Variants in KAT2B observed in about 807,000 individuals in gnomAD.
The protein encoded by KAT2B is lysine acetyltransferase 2B.
KAT2B carries 36 observed loss-of-function variants against 105.9 expected under a neutral mutation model. The observed-to-expected ratio is 0.34, with a 90% CI of 0.26 to 0.45. KAT2B has a LOEUF of 0.45. Ranked by LOEUF, KAT2B falls within the 20% of genes least tolerant of loss-of-function variation. The pLI, the probability that KAT2B is intolerant of heterozygous loss-of-function variation, is 1.00. For synonymous variants in KAT2B, 397 were observed against 377.9 expected (o/e 1.05, Z -0.59); for missense variants, 820 against 1,021.6 (o/e 0.80, Z 2.69).
chr3:20,051,478 G>A (rs1382482235), intron 1 of KAT2B, among the ~76,000 whole-genome samples: 2 of 152,122 alleles, frequency 1.3e-5, no homozygotes, highest in Non-Finnish European at 2.9e-5. Context: ...CGTTGTAGTC[G>A]GTGAGCCATG....
intron 3 of KAT2B, among the ~76,000 whole-genome samples, chr3:20,097,766 G>A (rs1207677405): frequency 6.6e-6 from 1 of 151,934 alleles, no homozygotes; most frequent in Non-Finnish European, 1.5e-5. Flanking sequence ...TGAACTCCTA[G>A]CCTCAAGTGA....
At chr3:20,060,071 C>T (rs9874923) in intron 1 of KAT2B, among the ~76,000 whole-genome samples, 60,703 of 152,084 alleles carry the variant, frequency 0.4, 12,350 homozygotes, top group Middle Eastern at 0.47. Flanking sequence ...ACTTCTTTAT[C>T]TTTCATTGCA....
intron 8 of KAT2B, 108 bp from the exon 9 acceptor site, chr3:20,122,560 A>G (rs1575146712): frequency 1.3e-6 from 1 of 775,842 alleles, no homozygotes; most frequent in African/African-American, 1.7e-5. Context: ...TGGTAAAGAT[A>G]GAGTTGACCT....
intron 2 of KAT2B, among the ~76,000 whole-genome samples, chr3:20,076,202 C>G (rs2365368): frequency 0.47 from 71,455 of 151,938 alleles, 17,062 homozygotes; most frequent in East Asian, 0.59. Flanking sequence ...GGACAAAGAC[C>G]AAGTATATTT....
At chr3:20,056,754 A>G (rs921876870) in intron 1 of KAT2B, among the ~76,000 whole-genome samples, 8 of 152,198 alleles carry the variant, frequency 5.3e-5, no homozygotes, top group African/African-American at 1.9e-4. Context: ...GCCTTTTAAG[A>G]AGGAGGAGGC....
intron 11 of KAT2B, among the ~76,000 whole-genome samples, chr3:20,135,773 G>A (rs1028417447): frequency 6.6e-6 from 1 of 152,188 alleles, no homozygotes; most frequent in Non-Finnish European, 1.5e-5. Context: ...GTACGGATGG[G>A]CATGTGTGAG....
chr3:20,095,339 A>G lies in KAT2B; in HGVS notation c.507A>G (p.Glu169=), dbSNP rs2125195261. 1.2e-6 allele frequency: 2 copies of G among 1,601,952 alleles called. No individual in the cohort carries two copies. The highest frequency in any genetic ancestry group is 1.7e-6 in the Non-Finnish European group (2 of 1,169,014). The change falls in exon 3 of 18, where the codon GAA becomes GAG. Residue 169 remains glutamate, a synonymous_variant. Transcript: ENST00000263754. ...NRLLGIVLDV[E]YLFTCVHKEE... ...TCCTGGGAATAGTATTGGATGTGGA[A>G]TATCTCTTTACCTGTGTCCACAAGG...
intron 1 of KAT2B, among the ~76,000 whole-genome samples, chr3:20,069,437 G>C (rs981076805): frequency 1.3e-5 from 2 of 152,136 alleles, no homozygotes; most frequent in Non-Finnish European, 2.9e-5. Flanking sequence ...TCTTGTTAGA[G>C]AGGGAAGTGG....
chr3:20,111,824 A>T (rs760066743), intron 6 of KAT2B, 37 bp downstream of exon 6: 2 of 1,546,114 alleles, frequency 1.3e-6, no homozygotes, highest in South Asian at 2.3e-5. Flanking sequence ...GTTTGATCCC[A>T]GAGCTTGAGG....
rs180868616 is a variant in KAT2B at position 20,059,242 on chromosome 3, G to A, written c.304-13091G>A. On this transcript the variant is annotated intron_variant, in intron 1 of 17. Transcript: ENST00000263754. ...AGCCTGGCCAACATGGTGAAACCCC[G>A]TCTCTACTAAAAATACAAAAATTAG... Among the ~76,000 whole-genome samples, 45 of 151,480 alleles carry A rather than the reference G, an allele frequency of 3.0e-4. No homozygotes were observed. The East Asian group carries it at 8.2e-3, about 28-fold the overall frequency.
intron 1 of KAT2B, among the ~76,000 whole-genome samples, chr3:20,060,731 C>A (rs559687058): frequency 1.3e-5 from 2 of 151,514 alleles, no homozygotes; most frequent in Admixed American, 1.3e-4. Flanking sequence ...TTGAGACCAG[C>A]GTGAGTAACA....
intron 13 of KAT2B, among the ~76,000 whole-genome samples, chr3:20,140,712 G>C (rs1179540796): frequency 6.6e-6 from 1 of 151,940 alleles, no homozygotes; most frequent in East Asian, 1.9e-4. Flanking sequence ...GGCTGGTCTC[G>C]AACTCCTGAC....
At chr3:20,041,032 G>A (rs190039233) in intron 1 of KAT2B, among the ~76,000 whole-genome samples, 1 of 152,298 alleles carries the variant, frequency 6.6e-6, no homozygotes, top group Non-Finnish European at 1.5e-5. Context: ...GAAAGGAGTA[G>A]CTTCGGCATC....
At chr3:20,146,223 G>C in intron 13 of KAT2B, 93 bp from the exon 14 acceptor site, 1 of 741,032 alleles carries the variant, frequency 1.3e-6, no homozygotes. Flanking sequence ...AAAAAAGACT[G>C]TTTTGTTAGG....
chr3:20,055,757 A>G (rs1371409296), intron 1 of KAT2B, among the ~76,000 whole-genome samples: 1 of 152,350 alleles, frequency 6.6e-6, no homozygotes, highest in East Asian at 1.9e-4. Context: ...ACAAATACGT[A>G]TCAAGACAGA....
chr3:20,129,215 A>G lies in KAT2B; in HGVS notation c.1749+1666A>G, dbSNP rs1699465605. On this transcript the variant is annotated intron_variant, in intron 11 of 17. Coordinates refer to ENST00000263754, the MANE Select transcript of KAT2B (RefSeq NM_003884.5). The stretch of plus-strand genomic sequence containing the variant: ...TGTGCTTTTAAATTTTCTAGTAGTT[A>G]TATGTATATATTTTTAAAAAAGCAA... Among the ~76,000 whole-genome samples the G allele has an allele frequency of 4.6e-5, 7 of 152,026 alleles. 1 individual carries two copies. In the South Asian group the frequency reaches 1.4e-3, roughly 31 times the overall value.
intron 1 of KAT2B, among the ~76,000 whole-genome samples, chr3:20,048,912 C>T (rs1484828709): frequency 2.6e-5 from 4 of 152,050 alleles, no homozygotes; most frequent in Admixed American, 6.6e-5. Context: ...TGCTCTGTCG[C>T]CAGGCTGGAG....
intron 12 of KAT2B, 110 bp from the exon 13 acceptor site, chr3:20,140,110 GA>G: frequency 1.4e-6 from 1 of 699,214 alleles, no homozygotes. Context: ...AGTACAATGA[GA>G]ACTTCAAAGA....
chr3:20,131,874 G>T (rs908951927), intron 11 of KAT2B, among the ~76,000 whole-genome samples: 1 of 152,114 alleles, frequency 6.6e-6, no homozygotes, highest in Non-Finnish European at 1.5e-5. Context: ...ATAAACAGAC[G>T]TTTTAAGTAT....
Sources: allele counts gnomAD v4.1 joint callset (sites outside exome capture counted in the v4.1 genomes callset), GRCh38; gene constraint gnomAD v4.1.1; transcripts MANE v1.5; gene names NCBI Gene and HGNC (gene_info 2026-07-23, HGNC 2026-07-21).